Variants in VGLL3 observed in about 807,000 individuals in gnomAD.
VGLL3 encodes vestigial like family member 3.
In VGLL3, 18 loss-of-function variants were observed where a neutral mutation model predicts 29.2. That is an observed-to-expected ratio of 0.62 (90% CI 0.43 to 0.91). VGLL3 has a LOEUF of 0.91. Ranked by LOEUF, VGLL3 falls within the 40% of genes least tolerant of loss-of-function variation. VGLL3 has a pLI of 0.00. For missense variants in VGLL3, 440 were observed against 413.2 expected, an observed-to-expected ratio of 1.06 and a Z score of -0.56; for synonymous variants, 180 against 151.8, an observed-to-expected ratio of 1.19 and a Z score of -1.36.
At chr3:86,989,615 TAAATC>T (rs1705535688) in intron 1 of VGLL3, among the ~76,000 whole-genome samples, 1 of 152,132 alleles carries the variant, frequency 6.6e-6, no homozygotes, top group South Asian at 2.1e-4. Context: ...TAAAAAGAAA[TAAATC>T]AATATATTCT....
chr3:86,988,683 A>AAAG lies in VGLL3; in HGVS notation c.126+1932_126+1934dup, dbSNP rs1370583035. Among the ~76,000 whole-genome samples, 321 of 135,364 alleles carry AAAG rather than the reference A, an allele frequency of 2.4e-3. 3 individuals are homozygous for AAAG. Among genetic ancestry groups the AAAG allele is most frequent in the African/African-American group, 7.8e-3 (276 of 35,450 alleles). The allele number at this position is 135,364 out of a possible 152,430, so 88.8% of individuals were successfully genotyped here. On this transcript the variant is annotated intron_variant, in intron 1 of 3. Coordinates refer to ENST00000398399, the MANE Select transcript of VGLL3 (RefSeq NM_016206.4). ...AAAAAAAAAAAAAAAAAAAAAAAAAAAAGAAGAAGAAGAAGGAGAAGAAAA... is the reference window on the plus strand; with the variant it reads ...AAAAAAAAAAAAAAAAAAAAAAAAAAAAGAAGAAGAAGAAGAAGGAGAAGAAAA...
chr3:86,967,198 C>G (rs186424386), intron 3 of VGLL3, among the ~76,000 whole-genome samples: 32 of 152,212 alleles, frequency 2.1e-4, no homozygotes, highest in Non-Finnish European at 4.0e-4. Context: ...CCACATAAAA[C>G]AGAGAAGAGC....
Position 86,968,617 on chromosome 3 carries a change from T to G in VGLL3, c.910A>C (p.Ile304Leu). 2 of 1,614,090 alleles carry G rather than the reference T, an allele frequency of 1.2e-6. No individual in the cohort carries two copies. Among genetic ancestry groups the G allele is most frequent in the Non-Finnish European group, 1.7e-6 (2 of 1,180,026 alleles). Residue 304 changes from isoleucine (I) to leucine (L), a missense_variant, in exon 3 of 4, where the codon ATA becomes CTA. Physicochemically the swap from Ile to Leu is conservative, Grantham distance 5. Coordinates refer to ENST00000398399, the MANE Select transcript of VGLL3 (RefSeq NM_016206.4). ...GTATCGAATCCCACGCTGGGCACTATGTCTACTGTTCCATGAAAGGCTCCA... is the reference window on the plus strand; with the variant it reads ...GTATCGAATCCCACGCTGGGCACTAGGTCTACTGTTCCATGAAAGGCTCCA... ...WAGAFHGTVD[I>L]VPSVGFDTGL...
intron 2 of VGLL3, among the ~76,000 whole-genome samples, chr3:86,971,215 A>T (rs1705094409): frequency 6.6e-6 from 1 of 152,194 alleles, no homozygotes; most frequent in African/African-American, 2.4e-5. Flanking sequence ...GGGAAAGCTT[A>T]AAAAACTTCA....
chr3:86,981,336 A>G (rs1009506689), intron 1 of VGLL3, among the ~76,000 whole-genome samples: 3 of 152,004 alleles, frequency 2.0e-5, no homozygotes, highest in Admixed American at 6.6e-5. Flanking sequence ...CAATTTTTCA[A>G]TGGTTGGATA....
chr3:86,974,663 G>A (rs368702501), intron 2 of VGLL3, among the ~76,000 whole-genome samples: 16 of 152,196 alleles, frequency 1.1e-4, no homozygotes, highest in East Asian at 1.9e-4. Flanking sequence ...AAGATTTACC[G>A]TGTAAATATA....
chr3:86,962,808 G>T, intron 3 of VGLL3: 1 of 265,514 alleles, frequency 3.8e-6, no homozygotes, highest in Non-Finnish European at 5.9e-6. Context: ...ACGAGGTCAG[G>T]AGTTTGAGAC....
Position 86,990,773 on chromosome 3 carries a change from TGCC to T in VGLL3, c.-33_-31del. ...GCCGGGGCAGTGGCGGCCCCCGAGC[TGCC>T]GCCGCCGCTCTACGCGCTGGCGCGA... On this transcript the variant is annotated 5_prime_UTR_variant, in exon 1 of 4. Coordinates refer to ENST00000398399, the MANE Select transcript of VGLL3 (RefSeq NM_016206.4). 1.1e-6 allele frequency: 1 copy of T among 932,140 alleles called. No individual in the cohort carries two copies. The highest frequency in any genetic ancestry group is 1.3e-6 in the Non-Finnish European group (1 of 749,736). 57.7% of individuals were successfully genotyped at this position (932,140 alleles called of 1,614,324 possible).
At chr3:86,955,667 A>T (rs1704706591) in intron 3 of VGLL3, among the ~76,000 whole-genome samples, 1 of 152,208 alleles carries the variant, frequency 6.6e-6, no homozygotes, top group African/African-American at 2.4e-5. Context: ...TTGGGATTAC[A>T]GGTGTGAACC....
Position 86,966,899 on chromosome 3 carries a change from T to G in VGLL3, c.937+1691A>C, listed in dbSNP as rs1372179177. Among the ~76,000 whole-genome samples, 4 of 147,602 alleles carry G rather than the reference T, an allele frequency of 2.7e-5. No individual in the cohort carries two copies. The East Asian group carries it at 8.1e-4, about 30-fold the overall frequency. On this transcript the variant is annotated intron_variant, in intron 3 of 3. Transcript: ENST00000398399. ...GCTCTGTAAGTATGAAGAGTTATTATAAATGATATCCAACTGGGTCCTCTC... is the reference window on the plus strand; with the variant it reads ...GCTCTGTAAGTATGAAGAGTTATTAGAAATGATATCCAACTGGGTCCTCTC...
Position 86,978,722 on chromosome 3 carries a change from C to T in VGLL3, c.207G>A (p.Glu69=), listed in dbSNP as rs776144168. Residue 69 remains glutamate, a synonymous_variant, in exon 2 of 4, where the codon GAG becomes GAA. Coordinates refer to ENST00000398399, the MANE Select transcript of VGLL3 (RefSeq NM_016206.4). ...LPSKQEEEDE[E]EEEEEKDQPA... ...GCTGGTCTTTCTCCTCCTCCTCCTC[C>T]TCCTCATCCTCCTCCTCTTGTTTGC... 1.2e-6 allele frequency: 2 copies of T among 1,613,962 alleles called. No individual in the cohort carries two copies. The highest frequency in any genetic ancestry group is 2.2e-5 in the East Asian group (1 of 44,878).
intron 3 of VGLL3, among the ~76,000 whole-genome samples, chr3:86,963,709 T>C (rs1289286503): frequency 6.6e-6 from 1 of 152,234 alleles, no homozygotes; most frequent in Non-Finnish European, 1.5e-5. Flanking sequence ...CTTTACTGCA[T>C]GAACTAATTT....
Position 86,942,624 on chromosome 3 carries a change from C to A in VGLL3, c.*4400G>T, listed in dbSNP as rs1441759781. ...ACTATGGTGAATGAATGACACTGTC[C>A]TCATAATTTTGGACACAGTAATTTA... On this transcript the variant is annotated 3_prime_UTR_variant, in exon 4 of 4. Coordinates refer to ENST00000398399, the MANE Select transcript of VGLL3 (RefSeq NM_016206.4). 1 of 152,052 alleles carries A rather than the reference C, an allele frequency of 6.6e-6. No homozygotes were observed. Among genetic ancestry groups the A allele is most frequent in the Non-Finnish European group, 1.5e-5 (1 of 68,002 alleles). The allele number at this position is 152,052 out of a possible 1,614,324, so 9.4% of individuals were successfully genotyped here.
At chr3:86,990,205 C>T in intron 1 of VGLL3, 2 of 682,770 alleles carry the variant, frequency 2.9e-6, no homozygotes, top group Non-Finnish European at 3.6e-6. Flanking sequence ...TCCCCTACCT[C>T]TGTCAGCGCA....
chr3:86,973,885 A>T (rs1414466523), intron 2 of VGLL3, among the ~76,000 whole-genome samples: 2 of 152,176 alleles, frequency 1.3e-5, no homozygotes, highest in African/African-American at 4.8e-5. Flanking sequence ...TATGGTTTTA[A>T]GTCAGTGATT....
chr3:86,953,673 G>A (rs1704659060), intron 3 of VGLL3, among the ~76,000 whole-genome samples: 1 of 152,004 alleles, frequency 6.6e-6, no homozygotes, highest in Non-Finnish European at 1.5e-5. Flanking sequence ...CTGTTAGTGA[G>A]GCTGGATATT....
rs963511697 is a variant in VGLL3, at chr3:86,942,296, C to T, written c.*4728G>A. On this transcript the variant is annotated 3_prime_UTR_variant, in exon 4 of 4. Transcript: ENST00000398399. ...AAAGGTGATCAATCAGGAATCCAAA[C>T]TGCCATCAATACCCCTTTGTAACTG... The T allele has an allele frequency of 3.9e-5, 6 of 152,194 alleles. No homozygotes were observed. The highest frequency in any genetic ancestry group is 9.6e-5 in the African/African-American group (4 of 41,456). 9.4% of individuals were successfully genotyped at this position (152,194 alleles called of 1,614,324 possible).
intron 1 of VGLL3, among the ~76,000 whole-genome samples, chr3:86,981,962 A>G (rs1270909480): frequency 2.0e-5 from 3 of 152,140 alleles, no homozygotes; most frequent in Non-Finnish European, 4.4e-5. Flanking sequence ...CCAAGGTTGA[A>G]TTTGCATACT....
At chr3:86,965,813 A>G (rs1402943036) in intron 3 of VGLL3, among the ~76,000 whole-genome samples, 2 of 152,146 alleles carry the variant, frequency 1.3e-5, no homozygotes, top group Non-Finnish European at 2.9e-5. Context: ...ATCTCACTCC[A>G]GAGCTCCTTG....
Sources: allele counts gnomAD v4.1 joint callset (sites outside exome capture counted in the v4.1 genomes callset), GRCh38; gene constraint gnomAD v4.1.1; transcripts MANE v1.5; gene names NCBI Gene and HGNC (gene_info 2026-07-23, HGNC 2026-07-21).